NRXN1: variants seen among roughly 807,000 people sequenced by gnomAD.
NRXN1 encodes neurexin 1, also known as neurexin-1.
NRXN1 carries 39 observed loss-of-function variants against 150.9 expected under a neutral mutation model. That is an observed-to-expected ratio of 0.26 (90% CI 0.20 to 0.34). NRXN1 has a LOEUF of 0.34. NRXN1 is among the 10% of genes least tolerant of loss of function. NRXN1 has a pLI of 1.00. For synonymous variants in NRXN1, 924 were observed against 757.0 expected, an observed-to-expected ratio of 1.22 and a Z score of -3.62; for missense variants, 1,815 against 1,949.9, an observed-to-expected ratio of 0.93 and a Z score of 1.30.
chr2:50,699,577 C>T (rs569740036), intron 5 of NRXN1, among the ~76,000 whole-genome samples: 1 of 152,130 alleles, frequency 6.6e-6, no homozygotes, highest in South Asian at 2.1e-4. Context: ...ATGAGGGCAG[C>T]CTCCAACCAA....
chr2:50,610,508 C>A (rs1677863191), intron 8 of NRXN1, among the ~76,000 whole-genome samples: 1 of 150,564 alleles, frequency 6.6e-6, no homozygotes, highest in Admixed American at 6.7e-5. Flanking sequence ...TTTTTCATAC[C>A]TCACTTAGGA....
At chr2:50,373,673 AGAAAGAAAAGAAAGAAG>A (rs1328153650) in intron 17 of NRXN1, among the ~76,000 whole-genome samples, 34 of 108,548 alleles carry the variant, frequency 3.1e-4, no homozygotes, top group Admixed American at 8.8e-4. Flanking sequence ...AAAGAAAGAA[AGAAAGAAAAGAAAGAAG>A]GAAAGAAAGA....
chr2:50,205,014 A>T (rs1022427976), intron 18 of NRXN1, among the ~76,000 whole-genome samples: 1 of 152,066 alleles, frequency 6.6e-6, no homozygotes, highest in Non-Finnish European at 1.5e-5. Flanking sequence ...CCTATATATG[A>T]AGTGAATATC....
At chr2:50,058,645 C>G (rs1297078235) in intron 19 of NRXN1, among the ~76,000 whole-genome samples, 1 of 152,168 alleles carries the variant, frequency 6.6e-6, no homozygotes, top group African/African-American at 2.4e-5. Context: ...TGTGTCTCCA[C>G]CCAAATCTCA....
intron 17 of NRXN1, among the ~76,000 whole-genome samples, chr2:50,269,703 C>A (rs80003880): frequency 0.027 from 4,039 of 152,252 alleles, 170 homozygotes; most frequent in African/African-American, 0.092. Flanking sequence ...CGAGTTTTCT[C>A]ATGATATATA....
At chr2:50,401,100 T>C (rs2082361364) in intron 17 of NRXN1, among the ~76,000 whole-genome samples, 1 of 152,154 alleles carries the variant, frequency 6.6e-6, no homozygotes, top group Non-Finnish European at 1.5e-5. Context: ...CTTCCATGAT[T>C]TTCTCGGATA....
intron 5 of NRXN1, among the ~76,000 whole-genome samples, chr2:50,676,303 A>G (rs978631280): frequency 1.3e-5 from 2 of 152,140 alleles, no homozygotes; most frequent in African/African-American, 2.4e-5. Context: ...CGAGCAAAAT[A>G]AACCTCTTTT....
chr2:50,635,984 T>C (rs993879903), intron 5 of NRXN1, among the ~76,000 whole-genome samples: 2 of 152,198 alleles, frequency 1.3e-5, no homozygotes, highest in African/African-American at 4.8e-5. Flanking sequence ...ATTATGATCA[T>C]TATTATTAAA....
chr2:50,610,050 G>C (rs1677772446), intron 8 of NRXN1, among the ~76,000 whole-genome samples: 1 of 151,916 alleles, frequency 6.6e-6, no homozygotes, highest in African/African-American at 2.4e-5. Flanking sequence ...TGATTTTCCT[G>C]GGGAAAAAAA....
intron 17 of NRXN1, among the ~76,000 whole-genome samples, chr2:50,440,800 G>A (rs1238734058): frequency 1.3e-5 from 2 of 152,040 alleles, no homozygotes; most frequent in Non-Finnish European, 2.9e-5. Context: ...TAACTTTCAA[G>A]CTATCATGAT....
intron 17 of NRXN1, among the ~76,000 whole-genome samples, chr2:50,461,434 G>T (rs566415825): frequency 6.6e-6 from 1 of 151,912 alleles, no homozygotes; most frequent in Non-Finnish European, 1.5e-5. Flanking sequence ...TATTATGTTC[G>T]CTATTTTGCA....
chr2:50,260,199 C>G (rs1030771291), intron 17 of NRXN1, among the ~76,000 whole-genome samples: 1 of 151,810 alleles, frequency 6.6e-6, no homozygotes, highest in African/African-American at 2.4e-5. Context: ...GTCATGGGTA[C>G]TGGTAGCCCA....
In NRXN1 at chr2:50,765,638, G is replaced by A. The variant is rs368470641; in HGVS notation, c.833-142023C>T. ...ATATAATCAAGGCTTCTTTCTACAT[G>A]CCGCAACATAGTCAATTTGAAAATA... On this transcript the variant is annotated intron_variant, in intron 5 of 22. Coordinates refer to ENST00000401669, the MANE Select transcript of NRXN1 (RefSeq NM_001330078.2). 5.3e-5 allele frequency among the ~76,000 whole-genome samples: 8 copies of A among 151,986 alleles called. 1 individual carries two copies. The East Asian group carries it at 1.2e-3, about 22-fold the overall frequency.
At chr2:50,049,641 C>A (rs1468414562) in intron 21 of NRXN1, among the ~76,000 whole-genome samples, 1 of 152,126 alleles carries the variant, frequency 6.6e-6, no homozygotes, top group African/African-American at 2.4e-5. Flanking sequence ...AACGATGTCA[C>A]AAGCTTGATC....
chr2:50,542,603 G>A (rs1449817768), intron 9 of NRXN1, among the ~76,000 whole-genome samples: 2 of 152,126 alleles, frequency 1.3e-5, no homozygotes, highest in Non-Finnish European at 2.9e-5. Context: ...CAAATAATCA[G>A]AAAGTAAAGA....
At position 50,552,653 on chromosome 2, in the gene NRXN1, C is replaced by T. The variant is rs896061877; in HGVS notation, c.1693G>A (p.Ala565Thr). The change falls in exon 9 of 23, where the codon GCC (alanine) becomes ACC (threonine). Residue 565 changes from alanine to threonine, a missense_variant. By Grantham distance (58) the Ala-to-Thr change is moderately conservative (BLOSUM62 0). This residue lies in a region of NRXN1 where 638 missense variants were observed against 652.6 expected (regional missense o/e 0.98). Coordinates refer to ENST00000401669, the MANE Select transcript of NRXN1 (RefSeq NM_001330078.2). Reference protein sequence around the residue: ...DMGSGTIKIKALLKKVNDGEW... With the variant: ...DMGSGTIKIKTLLKKVNDGEW... ...CCATCATTCACTTTCTTCAACAGGG[C>T]TTTTATTTTTATAGTACCTGACCCC... 3 of 1,613,724 alleles carry T rather than the reference C, an allele frequency of 1.9e-6. No homozygotes were observed. In the African/African-American group the frequency reaches 4.0e-5, roughly 22 times the overall value.
At chr2:50,848,404 A>G (rs1344128497) in intron 5 of NRXN1, among the ~76,000 whole-genome samples, 3 of 152,036 alleles carry the variant, frequency 2.0e-5, no homozygotes, top group Admixed American at 6.6e-5. Context: ...CAAAGTTATC[A>G]TCTAGTGTGT....
At chr2:50,429,461 T>C (rs1572939096) in intron 17 of NRXN1, among the ~76,000 whole-genome samples, 1 of 152,222 alleles carries the variant, frequency 6.6e-6, no homozygotes, top group Admixed American at 6.5e-5. Context: ...TTCATTATGT[T>C]GGCCAGGCTG....
intron 21 of NRXN1, among the ~76,000 whole-genome samples, chr2:49,990,337 G>A (rs1196547625): frequency 2.6e-5 from 4 of 152,178 alleles, no homozygotes; most frequent in African/African-American, 7.2e-5. Context: ...AGAGCACAGC[G>A]AGGAAAGACA....
Sources: gnomAD v4.1 joint callset for allele counts (sites outside exome capture counted in the v4.1 genomes callset) on GRCh38, gnomAD v4.1.1 for gene constraint, gnomAD v4.1.1 regional missense constraint, MANE v1.5 for transcripts, NCBI Gene and HGNC (gene_info 2026-07-23, HGNC 2026-07-21) for gene names.